TANC1: variants seen among roughly 807,000 people sequenced by gnomAD.
TANC1 encodes the protein protein TANC1.
In TANC1, 77 loss-of-function variants were observed where a neutral mutation model predicts 149.7. The observed-to-expected ratio is 0.51, with a 90% CI of 0.43 to 0.62. TANC1 has a LOEUF of 0.62. TANC1 is among the 20% of genes least tolerant of loss of function. The pLI, the probability that TANC1 is intolerant of heterozygous loss-of-function variation, is 0.00. For synonymous variants in TANC1, 854 were observed against 925.0 expected (o/e 0.92, Z 1.39); for missense variants, 1,985 against 2,321.8 (o/e 0.85, Z 2.98).
intron 22 of TANC1, among the ~76,000 whole-genome samples, chr2:159,221,111 G>A (rs970838718): frequency 1.3e-5 from 2 of 152,196 alleles, no homozygotes; most frequent in African/African-American, 4.8e-5. Context: ...GGCACTTTGG[G>A]AGGCCAAGAT....
At chr2:159,185,138 C>T (rs540038022) in intron 14 of TANC1, among the ~76,000 whole-genome samples, 1 of 152,184 alleles carries the variant, frequency 6.6e-6, no homozygotes, top group Non-Finnish European at 1.5e-5. Context: ...GAAGTCACTC[C>T]TATTGGAATA....
intron 2 of TANC1, among the ~76,000 whole-genome samples, chr2:159,022,221 T>C (rs2038884754): frequency 6.6e-6 from 1 of 152,214 alleles, no homozygotes; most frequent in South Asian, 2.1e-4. Context: ...TGCCACTCTT[T>C]CTCAACTATC....
chr2:159,156,238 C>T lies in TANC1; in HGVS notation c.682+5682C>T, dbSNP rs10174194. 4.9e-3 allele frequency among the ~76,000 whole-genome samples: 747 copies of T among 152,246 alleles called. 4 individuals carry two copies. Among genetic ancestry groups the T allele is most frequent in the African/African-American group, 0.017 (724 of 41,548 alleles). On this transcript the variant is annotated intron_variant, in intron 7 of 26. Transcript: ENST00000263635. ...GTCTGGGTTAATATTCATTTTGCTA[C>T]GTTGCCTGCAATTTTTAAAATCATC...
intron 2 of TANC1, among the ~76,000 whole-genome samples, chr2:159,011,219 T>C (rs1050663220): frequency 1.3e-5 from 2 of 152,204 alleles, no homozygotes; most frequent in Non-Finnish European, 2.9e-5. Context: ...CAGTGAGTCA[T>C]TGTAAGGTTT....
chr2:159,043,278 C>T (rs1169949101), intron 2 of TANC1, among the ~76,000 whole-genome samples: 1 of 151,990 alleles, frequency 6.6e-6, no homozygotes, highest in African/African-American at 2.4e-5. Context: ...TTTTCCAGTT[C>T]TTTTGCCAGC....
At chr2:159,038,710 C>T (rs1348103931) in intron 2 of TANC1, among the ~76,000 whole-genome samples, 2 of 152,100 alleles carry the variant, frequency 1.3e-5, no homozygotes, top group Non-Finnish European at 2.9e-5. Context: ...CCCACTTGAT[C>T]TTGGTGGATA....
intron 3 of TANC1, among the ~76,000 whole-genome samples, chr2:159,082,227 G>A (rs1225572543): frequency 3.9e-5 from 6 of 152,216 alleles, no homozygotes; most frequent in Non-Finnish European, 8.8e-5. Context: ...GAAGGGCATG[G>A]GAGAGAGGGC....
rs758636520 is a variant in TANC1, at chr2:159,230,439, C to G, written c.5013C>G (p.Ser1671Arg). 2.5e-6 allele frequency: 4 copies of G among 1,614,176 alleles called. No homozygotes were observed. The South Asian group carries it at 4.4e-5, about 18-fold the overall frequency. The change falls in exon 27 of 27, where the codon AGC becomes AGG. Residue 1671 changes from serine (S) to arginine (R), a missense_variant. Ser to Arg is a moderately radical substitution (Grantham distance 110). Transcript: ENST00000263635. This position sits in a 1 kb window ranked among gnomAD's most constrained non-coding sequence, Gnocchi z 4.4. ...CAGGCTCTTCTGGTTCTCCATCCAG[C>G]AGCATAAAGATGTCAAGTTCAACCA... Reference protein sequence around the residue: ...TSSGSSGSPSSSIKMSSSTSS... With the variant: ...TSSGSSGSPSRSIKMSSSTSS...
chr2:159,169,487 T>C, intron 9 of TANC1, 115 bp downstream of exon 9: 1 of 1,128,030 alleles, frequency 8.9e-7, no homozygotes, highest in East Asian at 2.4e-5. Flanking sequence ...ATGGAAAGTG[T>C]GTTTGTGCTA....
chr2:159,132,197 G>A (rs910733174), intron 4 of TANC1, among the ~76,000 whole-genome samples: 28 of 152,204 alleles, frequency 1.8e-4, no homozygotes, highest in Admixed American at 1.3e-4. Flanking sequence ...GAGGGAAATT[G>A]TACTTTTCTC....
At chr2:159,193,786 G>A (rs1276505789) in intron 16 of TANC1, among the ~76,000 whole-genome samples, 1 of 152,124 alleles carries the variant, frequency 6.6e-6, no homozygotes, top group Non-Finnish European at 1.5e-5. Context: ...CTCTCAAAGT[G>A]CTGGAATTAC....
Position 159,103,567 on chromosome 2 carries a change from T to A in TANC1, c.259+5733T>A. On this transcript the variant is annotated intron_variant, in intron 4 of 26. Coordinates refer to ENST00000263635, the MANE Select transcript of TANC1 (RefSeq NM_033394.3). ...TTTTCTTTCTTTGCATGAGACTGTG[T>A]CGGGAATTATGACAGCTGAGTCAGA... Among the ~76,000 whole-genome samples, 2 of 96,530 alleles carry A rather than the reference T, an allele frequency of 2.1e-5. 1 individual carries two copies. The highest frequency in any genetic ancestry group is 4.6e-4 in the East Asian group (2 of 4,346). 63.3% of individuals were successfully genotyped at this position (96,530 alleles called of 152,430 possible). A position where few individuals can be genotyped will look rare whatever the true frequency, so the allele number is the denominator to read the frequency against.
intron 1 of TANC1, among the ~76,000 whole-genome samples, chr2:158,982,423 T>C (rs1035824076): frequency 2.6e-5 from 4 of 152,364 alleles, no homozygotes; most frequent in Middle Eastern, 3.4e-3. Flanking sequence ...GGCAATTTAC[T>C]TGACCTGTTT....
chr2:158,999,235 A>G (rs746813124), intron 1 of TANC1, among the ~76,000 whole-genome samples: 1 of 152,166 alleles, frequency 6.6e-6, no homozygotes, highest in African/African-American at 2.4e-5. Context: ...CCGAGGTACC[A>G]TCTGCAGCTC....
intron 2 of TANC1, among the ~76,000 whole-genome samples, chr2:159,028,008 A>T (rs2039485602): frequency 6.6e-6 from 1 of 151,968 alleles, no homozygotes; most frequent in African/African-American, 2.4e-5. Flanking sequence ...CGATGACCTC[A>T]TCTCATCCTT....
chr2:159,069,226 C>G (rs567197135), intron 3 of TANC1, among the ~76,000 whole-genome samples: 2 of 152,252 alleles, frequency 1.3e-5, no homozygotes, highest in East Asian at 3.9e-4. Flanking sequence ...TAAAACTTTA[C>G]CATGTTTTTT....
At chr2:159,136,045 T>TGTGTGTGTGCGC in intron 4 of TANC1, 149 bp from the exon 5 acceptor site, 1 of 107,796 alleles carries the variant, frequency 9.3e-6, no homozygotes, top group Non-Finnish European at 2.0e-5. Flanking sequence ...TGTGTGTGTG[T>TGTGTGTGTGCGC]GTGTGCGCGC....
intron 4 of TANC1, among the ~76,000 whole-genome samples, chr2:159,125,926 C>A (rs2049401479): frequency 6.6e-6 from 1 of 152,116 alleles, no homozygotes; most frequent in Non-Finnish European, 1.5e-5. Context: ...GCTGAGGATT[C>A]TTCTCAACTT....
intron 4 of TANC1, among the ~76,000 whole-genome samples, chr2:159,098,157 T>C (rs1370634834): frequency 1.3e-5 from 2 of 152,210 alleles, no homozygotes; most frequent in African/African-American, 4.8e-5. Flanking sequence ...TAATGATGTT[T>C]CTTTTGATCA....
Sources: allele counts gnomAD v4.1 joint callset (sites outside exome capture counted in the v4.1 genomes callset), GRCh38; gene constraint gnomAD v4.1.1; non-coding constraint Gnocchi (gnomAD v3.1); transcripts MANE v1.5; gene names NCBI Gene and HGNC (gene_info 2026-07-23, HGNC 2026-07-21).